Variants in CADM2 observed in about 807,000 individuals in gnomAD.
CADM2 encodes immunoglobulin superfamily member 4D.
In CADM2, 12 loss-of-function variants were observed where a neutral mutation model predicts 49.8. The observed-to-expected ratio is 0.24, with a 90% CI of 0.15 to 0.39. CADM2 has a LOEUF of 0.39. Ranked by LOEUF, CADM2 falls within the 10% of genes least tolerant of loss-of-function variation. The pLI, the probability that CADM2 is intolerant of heterozygous loss-of-function variation, is 1.00. For missense variants in CADM2, 378 were observed against 492.3 expected (o/e 0.77, Z 2.20); for synonymous variants, 214 against 175.4 (o/e 1.22, Z -1.74).
intron 8 of CADM2, among the ~76,000 whole-genome samples, chr3:86,051,562 C>G (rs1021280456): frequency 6.6e-6 from 1 of 152,116 alleles, no homozygotes; most frequent in East Asian, 1.9e-4. Context: ...TATAGCATTG[C>G]TATAAATACC....
intron 1 of CADM2, among the ~76,000 whole-genome samples, chr3:85,091,506 A>G (rs939711420): frequency 6.6e-6 from 1 of 152,230 alleles, no homozygotes; most frequent in Non-Finnish European, 1.5e-5. Flanking sequence ...ATAGTTTTCA[A>G]TAATCTGAAG....
intron 1 of CADM2, among the ~76,000 whole-genome samples, chr3:85,504,151 T>C (rs983941418): frequency 1.3e-5 from 2 of 152,096 alleles, no homozygotes; most frequent in African/African-American, 2.4e-5. Context: ...TGTTCAGATG[T>C]GTTCGGAGTT....
intron 6 of CADM2, among the ~76,000 whole-genome samples, chr3:85,914,121 A>G (rs1559738957): frequency 6.6e-6 from 1 of 152,180 alleles, no homozygotes; most frequent in Non-Finnish European, 1.5e-5. Context: ...TGAAAACATT[A>G]TAATGTTTAA....
At chr3:85,002,245 T>TG (rs1206835928) in intron 1 of CADM2, among the ~76,000 whole-genome samples, 1 of 152,178 alleles carries the variant, frequency 6.6e-6, no homozygotes, top group African/African-American at 2.4e-5. Flanking sequence ...ATGGTTATTT[T>TG]GTTTTTTCCC....
At chr3:85,601,073 T>C (rs2063378317) in intron 1 of CADM2, among the ~76,000 whole-genome samples, 1 of 147,300 alleles carries the variant, frequency 6.8e-6, no homozygotes, top group South Asian at 2.1e-4. Flanking sequence ...TATATCTGCC[T>C]ATCTTTTTAT....
At chr3:85,746,331 G>A (rs1250558860) in intron 2 of CADM2, among the ~76,000 whole-genome samples, 1 of 152,072 alleles carries the variant, frequency 6.6e-6, no homozygotes, top group Non-Finnish European at 1.5e-5. Context: ...TACATAAATA[G>A]AACTGATGGA....
At chr3:85,734,532 CACAT>C (rs1478661735) in intron 2 of CADM2, among the ~76,000 whole-genome samples, 6 of 141,014 alleles carry the variant, frequency 4.3e-5, no homozygotes, top group South Asian at 4.5e-4. Context: ...CACATACACA[CACAT>C]ACATATATAT....
intron 1 of CADM2, among the ~76,000 whole-genome samples, chr3:85,457,328 G>A (rs772637207): frequency 6.6e-6 from 1 of 151,790 alleles, no homozygotes; most frequent in Non-Finnish European, 1.5e-5. Flanking sequence ...CAGGAAGGTC[G>A]CTTGAGCCTA....
At chr3:85,278,718 TTGTGTGTGTGTGTGTGTG>T (rs36208431) in intron 1 of CADM2, among the ~76,000 whole-genome samples, 2 of 144,550 alleles carry the variant, frequency 1.4e-5, no homozygotes, top group South Asian at 4.5e-4. Context: ...GCTGATGTTC[TTGTGTGTGTGTGTGTGTG>T]TGTGTGTGTG....
chr3:85,616,015 G>C (rs1256385322), intron 1 of CADM2, among the ~76,000 whole-genome samples: 1 of 151,800 alleles, frequency 6.6e-6, no homozygotes, highest in East Asian at 1.9e-4. Flanking sequence ...TTGCACTCTT[G>C]GTAAGACAGT....
intron 1 of CADM2, among the ~76,000 whole-genome samples, chr3:85,152,981 T>TA (rs112902222): frequency 1.7e-4 from 24 of 143,276 alleles, no homozygotes; most frequent in South Asian, 4.5e-4. Context: ...AAAAAAAATG[T>TA]AAAAAAAAAA....
chr3:85,676,512 T>G (rs1442097601), intron 1 of CADM2, among the ~76,000 whole-genome samples: 1 of 152,182 alleles, frequency 6.6e-6, no homozygotes, highest in African/African-American at 2.4e-5. Context: ...TAGTTTTGAT[T>G]GTTGTAACAT....
At chr3:85,762,772 T>A (rs56179594) in intron 2 of CADM2, among the ~76,000 whole-genome samples, 8,554 of 151,394 alleles carry the variant, frequency 0.057, 691 homozygotes, top group African/African-American at 0.18. Context: ...TATATATGTA[T>A]AATATATTAT....
rs1553722697 is a variant in CADM2, at chr3:85,431,860, C to CATATATATATATATAT, written c.62-294650_62-294649insATATATATATATATAT. On this transcript the variant is annotated intron_variant, in intron 1 of 9. Coordinates refer to ENST00000383699, the MANE Select transcript of CADM2 (RefSeq NM_001167675.2). ...AACACCATGGTCTTATGCTTAATTG[C>CATATATATATATATAT]ATATATATATATGCCATGCTCTTTC... 1.2e-3 allele frequency among the ~76,000 whole-genome samples: 63 copies of CATATATATATATATAT among 51,860 alleles called. 13 individuals carry two copies. The highest frequency in any genetic ancestry group is 2.7e-3 in the African/African-American group (50 of 18,334). The allele number at this position is 51,860 out of a possible 152,430, so 34.0% of individuals were successfully genotyped here.
intron 8 of CADM2, among the ~76,000 whole-genome samples, chr3:86,003,100 A>G (rs1005870314): frequency 2.0e-5 from 3 of 152,162 alleles, no homozygotes; most frequent in Non-Finnish European, 4.4e-5. Context: ...CTCCTCCTTA[A>G]CAGAGACCAG....
intron 1 of CADM2, among the ~76,000 whole-genome samples, chr3:85,003,951 CA>C (rs1226693688): frequency 6.6e-6 from 1 of 151,958 alleles, no homozygotes; most frequent in African/African-American, 2.4e-5. Context: ...ATTATAGCTT[CA>C]AAATTATAAA....
intron 1 of CADM2, among the ~76,000 whole-genome samples, chr3:85,255,116 A>G (rs2042856735): frequency 6.6e-6 from 1 of 152,100 alleles, no homozygotes; most frequent in Non-Finnish European, 1.5e-5. Context: ...TGAACTATTC[A>G]CTTTTAACAG....
chr3:86,000,082 A>G (rs1458922380), intron 8 of CADM2, among the ~76,000 whole-genome samples: 1 of 152,218 alleles, frequency 6.6e-6, no homozygotes, highest in Admixed American at 6.5e-5. Flanking sequence ...TTAGCCTTGA[A>G]CACATGGCAT....
At chr3:85,719,334 A>G (rs2033894213) in intron 1 of CADM2, among the ~76,000 whole-genome samples, 1 of 152,178 alleles carries the variant, frequency 6.6e-6, no homozygotes, top group African/African-American at 2.4e-5. Context: ...ATTGTAATAC[A>G]GTTTACCCTT....
Sources: allele counts gnomAD v4.1 joint callset (sites outside exome capture counted in the v4.1 genomes callset), GRCh38; gene constraint gnomAD v4.1.1; transcripts MANE v1.5; gene names NCBI Gene and HGNC (gene_info 2026-07-23, HGNC 2026-07-21).